Variants in SETBP1 observed in about 807,000 individuals in gnomAD.
SETBP1 encodes the protein SET binding protein 1, also known as SET-binding protein.
A neutral mutation model predicts 101.0 loss-of-function variants in SETBP1; 9 were observed. That is an observed-to-expected ratio of 0.09 (90% CI 0.05 to 0.16). The LOEUF (loss-of-function observed/expected upper bound fraction) is 0.16. SETBP1 is among the 10% of genes least tolerant of loss of function. SETBP1 has a pLI of 1.00. For missense variants in SETBP1, 1,858 were observed against 2,033.8 expected (o/e 0.91, Z 1.66); for synonymous variants, 818 against 788.5 (o/e 1.04, Z -0.63).
chr18:44,865,111 T>A (rs2069100441), intron 2 of SETBP1, among the ~76,000 whole-genome samples: 1 of 152,214 alleles, frequency 6.6e-6, no homozygotes, highest in Non-Finnish European at 1.5e-5. Flanking sequence ...TGGACAGATA[T>A]AATCTCGAGT....
At chr18:44,914,975 G>T (rs1487782906) in intron 3 of SETBP1, among the ~76,000 whole-genome samples, 1 of 152,034 alleles carries the variant, frequency 6.6e-6, no homozygotes, top group African/African-American at 2.4e-5. Flanking sequence ...AAGCAGAAGA[G>T]TCTATCTAAA....
At chr18:44,693,094 A>G (rs1014589630) in intron 1 of SETBP1, among the ~76,000 whole-genome samples, 8 of 152,334 alleles carry the variant, frequency 5.3e-5, no homozygotes, top group Admixed American at 3.3e-4. Flanking sequence ...GAGCTAGGTA[A>G]GAGTTGGGTC....
At chr18:44,862,432 G>C (rs1387326513) in intron 2 of SETBP1, among the ~76,000 whole-genome samples, 1 of 152,192 alleles carries the variant, frequency 6.6e-6, no homozygotes, top group Non-Finnish European at 1.5e-5. Context: ...ACACAGTTCA[G>C]CTAGGATGGC....
intron 3 of SETBP1, among the ~76,000 whole-genome samples, chr18:44,931,426 G>A (rs1291559345): frequency 6.6e-6 from 1 of 152,174 alleles, no homozygotes; most frequent in Non-Finnish European, 1.5e-5. Flanking sequence ...TTGATTTGGG[G>A]TGGAGACTTC....
intron 2 of SETBP1, among the ~76,000 whole-genome samples, chr18:44,731,763 A>G (rs1257748041): frequency 6.6e-6 from 1 of 152,164 alleles, no homozygotes; most frequent in Admixed American, 6.5e-5. Context: ...CACCCGACAA[A>G]CACGTGCTCT....
chr18:44,789,106 T>A (rs2071313726), intron 2 of SETBP1, among the ~76,000 whole-genome samples: 1 of 152,142 alleles, frequency 6.6e-6, no homozygotes, highest in African/African-American at 2.4e-5. Context: ...CCCGGCTTCC[T>A]CCTGTTTTAA....
intron 3 of SETBP1, among the ~76,000 whole-genome samples, chr18:44,889,285 GTTAGTTATC>G (rs1211280488): frequency 6.6e-6 from 1 of 152,130 alleles, no homozygotes; most frequent in African/African-American, 2.4e-5. Flanking sequence ...AAAAGAGGAA[GTTAGTTATC>G]TTTGTACTAA....
intron 2 of SETBP1, among the ~76,000 whole-genome samples, chr18:44,758,216 TAC>T (rs2070547543): frequency 1.3e-5 from 2 of 152,002 alleles, no homozygotes; most frequent in South Asian, 4.2e-4. Context: ...AGACTGAGAG[TAC>T]ACACACACTC....
At chr18:44,876,882 T>C (rs1162884728) in intron 3 of SETBP1, 2 of 1,393,718 alleles carry the variant, frequency 1.4e-6, no homozygotes, top group Non-Finnish European at 1.9e-6. Flanking sequence ...CTCTGCCTGC[T>C]AGCTAGACAT....
intron 2 of SETBP1, among the ~76,000 whole-genome samples, chr18:44,843,933 A>C (rs1459333418): frequency 3.3e-5 from 5 of 152,058 alleles, no homozygotes; most frequent in Admixed American, 6.5e-5. Context: ...ATTTTCCACA[A>C]ATTAAGTCTC....
chr18:44,735,285 T>A (rs1478227295), intron 2 of SETBP1, among the ~76,000 whole-genome samples: 1 of 152,212 alleles, frequency 6.6e-6, no homozygotes, highest in Non-Finnish European at 1.5e-5. Context: ...GAATTTTAGT[T>A]CTTCTTTTTT....
chr18:44,911,339 C>G (rs1381455326), intron 3 of SETBP1, among the ~76,000 whole-genome samples: 1 of 152,174 alleles, frequency 6.6e-6, no homozygotes, highest in Non-Finnish European at 1.5e-5. Flanking sequence ...TTTGTCATTA[C>G]TTTTCGTTGC....
chr18:44,954,351 A>C (rs956107680), intron 4 of SETBP1, among the ~76,000 whole-genome samples: 3 of 151,694 alleles, frequency 2.0e-5, no homozygotes, highest in Admixed American at 2.0e-4. Context: ...AAAAAAAAAA[A>C]AAACAGTTCT....
intron 5 of SETBP1, among the ~76,000 whole-genome samples, chr18:45,054,327 G>A (rs1286112308): frequency 1.3e-5 from 2 of 151,924 alleles, no homozygotes; most frequent in African/African-American, 4.8e-5. Flanking sequence ...AGCTGGGATT[G>A]CAGGCGTGCG....
intron 3 of SETBP1, among the ~76,000 whole-genome samples, chr18:44,908,162 G>C (rs1237635432): frequency 6.6e-6 from 1 of 152,082 alleles, no homozygotes; most frequent in Non-Finnish European, 1.5e-5. Context: ...CCGGGTTCAA[G>C]TGATTCTCCT....
At chr18:45,059,788 T>C (rs1444137479) in intron 5 of SETBP1, among the ~76,000 whole-genome samples, 1 of 152,182 alleles carries the variant, frequency 6.6e-6, no homozygotes, top group Non-Finnish European at 1.5e-5. Context: ...AGAGAACATT[T>C]TCGCCATCTT....
intron 2 of SETBP1, among the ~76,000 whole-genome samples, chr18:44,723,573 T>C (rs1254251640): frequency 6.6e-6 from 1 of 152,222 alleles, no homozygotes; most frequent in Non-Finnish European, 1.5e-5. Context: ...GGAGACTGAA[T>C]TGCTGTGGCC....
intron 3 of SETBP1, among the ~76,000 whole-genome samples, chr18:44,948,572 A>G (rs578008787): frequency 6.6e-6 from 1 of 152,246 alleles, no homozygotes; most frequent in Non-Finnish European, 1.5e-5. Context: ...AAATTCATGA[A>G]GCCAGTCATC....
intron 2 of SETBP1, among the ~76,000 whole-genome samples, chr18:44,751,287 ACT>A (rs2070375340): frequency 6.6e-6 from 1 of 152,162 alleles, no homozygotes; most frequent in East Asian, 1.9e-4. Flanking sequence ...CAGTTCACAA[ACT>A]CACATTCTTT....
Sources: gnomAD v4.1 joint callset for allele counts (sites outside exome capture counted in the v4.1 genomes callset) on GRCh38, gnomAD v4.1.1 for gene constraint, MANE v1.5 for transcripts, NCBI Gene and HGNC (gene_info 2026-07-23, HGNC 2026-07-21) for gene names.